Variants in PITPNM2 observed in about 807,000 individuals in gnomAD.
PITPNM2 encodes the protein phosphatidylinositol transfer protein membrane associated 2.
PITPNM2 carries 35 observed loss-of-function variants against 132.2 expected under a neutral mutation model. The observed-to-expected ratio is 0.26, with a 90% CI of 0.20 to 0.35. The LOEUF (loss-of-function observed/expected upper bound fraction) is 0.35. Among genes scored for constraint, PITPNM2 ranks in the 10% least tolerant of loss-of-function variants. PITPNM2 has a pLI of 1.00. For synonymous variants in PITPNM2, 738 were observed against 799.2 expected (o/e 0.92, Z 1.29); for missense variants, 1,332 against 1,912.0 (o/e 0.70, Z 5.66).
intron 2 of PITPNM2, among the ~76,000 whole-genome samples, chr12:123,048,602 C>T (rs936458836): frequency 1.3e-5 from 2 of 150,602 alleles, no homozygotes; most frequent in African/African-American, 2.4e-5. Context: ...TTAGTAGAGA[C>T]GGGGTTTCAC....
rs1321160567 is a variant in PITPNM2 at position 122,994,939 on chromosome 12, G to C, written c.2095C>G (p.His699Asp). The change falls in exon 15 of 26, where the codon CAT (histidine) becomes GAT (aspartate). Residue 699 changes from histidine to aspartate, a missense_variant. This residue lies in a region of PITPNM2 where 710 missense variants were observed against 911.5 expected (regional missense o/e 0.78). Coordinates refer to ENST00000320201, the MANE Select transcript of PITPNM2 (RefSeq NM_020845.3). This position sits in a 1 kb window ranked among gnomAD's most constrained non-coding sequence, Gnocchi z 5.4. ...SVLRTEPCSR[H>D]SSSSTMLDGT... ...TCCAGCATGGTGGAGCTGCTGGAAT[G>C]GCGTGAGCAGGGCTCAGTCCTCAGC... The C allele has an allele frequency of 1.2e-6, 2 of 1,610,980 alleles. No individual in the cohort carries two copies. Among genetic ancestry groups the C allele is most frequent in the Non-Finnish European group, 1.7e-6 (2 of 1,179,638 alleles).
Position 123,004,753 on chromosome 12 carries a change from C to T in PITPNM2, c.953-264G>A, listed in dbSNP as rs1293763124. 1.5e-5 allele frequency: 9 copies of T among 595,542 alleles called. No homozygotes were observed. Among genetic ancestry groups the T allele is most frequent in the Admixed American group, 5.8e-5 (2 of 34,468 alleles). 36.9% of individuals were successfully genotyped at this position (595,542 alleles called of 1,614,324 possible). ...GAGCATGACAGACATAAGCCCAGGA[C>T]GTGGGGTAAGACAGGCCTGGGTCCA... On this transcript the variant is annotated intron_variant, in intron 7 of 25. Transcript: ENST00000320201. The surrounding 1 kb of genome is among the most constrained non-coding windows in gnomAD (Gnocchi z 4.9).
chr12:123,091,069 C>G (rs192823260), intron 2 of PITPNM2: 10 of 152,352 alleles, frequency 6.6e-5, no homozygotes, highest in African/African-American at 2.4e-4. Flanking sequence ...GATTCAGCCA[C>G]TCACACGGTT....
At chr12:123,046,996 A>C (rs2040683995) in intron 2 of PITPNM2, among the ~76,000 whole-genome samples, 1 of 152,220 alleles carries the variant, frequency 6.6e-6, no homozygotes. Context: ...CCTAGCATTG[A>C]TAATAGCATT....
In PITPNM2 at chr12:123,097,645, C is replaced by T. The variant is rs2042445579; in HGVS notation, c.-96+12740G>A. Among the ~76,000 whole-genome samples, 1 of 152,236 alleles carries T rather than the reference C, an allele frequency of 6.6e-6. No individual in the cohort carries two copies. The highest frequency in any genetic ancestry group is 1.5e-5 in the Non-Finnish European group (1 of 68,038). On this transcript the variant is annotated intron_variant, in intron 2 of 25. Transcript: ENST00000320201. The surrounding 1 kb of genome is among the most constrained non-coding windows in gnomAD (Gnocchi z 4.7). ...ACGCTCTCCAGTGCAGCCTGCCTCACTTGCCTGCCTGCCTGCCTTCCTTGC... is the reference window on the plus strand; with the variant it reads ...ACGCTCTCCAGTGCAGCCTGCCTCATTTGCCTGCCTGCCTGCCTTCCTTGC...
chr12:123,148,277 G>T (rs533062289), intron 1 of PITPNM2, among the ~76,000 whole-genome samples: 2 of 152,348 alleles, frequency 1.3e-5, no homozygotes, highest in Admixed American at 1.3e-4. Flanking sequence ...TCTCATCTAA[G>T]CGAAGTTGAG....
chr12:123,144,352 G>C (rs1004648018), intron 1 of PITPNM2, among the ~76,000 whole-genome samples: 4 of 152,218 alleles, frequency 2.6e-5, no homozygotes, highest in African/African-American at 9.6e-5. Flanking sequence ...TGTTAGAGAA[G>C]CTTCATTCAG....
chr12:123,118,945 C>T (rs1165835890), intron 1 of PITPNM2, among the ~76,000 whole-genome samples: 5 of 152,222 alleles, frequency 3.3e-5, no homozygotes, highest in Non-Finnish European at 7.3e-5. Context: ...GGAGGCCAGG[C>T]TGCAGGGACG....
chr12:123,142,195 G>C (rs1593036751), intron 1 of PITPNM2, among the ~76,000 whole-genome samples: 1 of 152,290 alleles, frequency 6.6e-6, no homozygotes, highest in Non-Finnish European at 1.5e-5. Context: ...CACAGTACAG[G>C]ACAGGAGCTC....
chr12:123,151,565 C>T (rs572705782), upstream of PITPNM2, among the ~76,000 whole-genome samples: 27 of 152,248 alleles, frequency 1.8e-4, no homozygotes, highest in African/African-American at 6.3e-4. Flanking sequence ...TGGGTCCGCG[C>T]TCTCCCCTCA....
chr12:123,002,538 G>A (rs938072709), intron 8 of PITPNM2, among the ~76,000 whole-genome samples: 10 of 151,642 alleles, frequency 6.6e-5, no homozygotes, highest in African/African-American at 1.9e-4. Context: ...TCAGCCTCCC[G>A]AGTAGCTGGA....
At position 123,004,757 on chromosome 12, in the gene PITPNM2, G is replaced by C. The variant is rs1050829346; in HGVS notation, c.953-268C>G. On this transcript the variant is annotated intron_variant, in intron 7 of 25. Transcript: ENST00000320201. This position sits in a 1 kb window ranked among gnomAD's most constrained non-coding sequence, Gnocchi z 4.9. The stretch of plus-strand genomic sequence containing the variant: ...ATGACAGACATAAGCCCAGGACGTG[G>C]GGTAAGACAGGCCTGGGTCCACTCC... Among the ~76,000 whole-genome samples, 8 of 152,232 alleles carry C rather than the reference G, an allele frequency of 5.3e-5. No individual in the cohort carries two copies. Among genetic ancestry groups the C allele is most frequent in the African/African-American group, 1.2e-4 (5 of 41,466 alleles).
intron 5 of PITPNM2, among the ~76,000 whole-genome samples, chr12:123,011,432 T>C (rs1458768090): frequency 6.6e-6 from 1 of 152,220 alleles, no homozygotes; most frequent in Non-Finnish European, 1.5e-5. Context: ...CCATGGCAGC[T>C]GGCCTCAGAG....
rs1172501245 is a variant in PITPNM2 at position 123,111,033 on chromosome 12, AC to A, written c.-199-546del. ...CAGCTGGGCAGAGTGTGATCTGACT[AC>A]CCAGAGGCCAGAGACAAGCATTCAA... On this transcript the variant is annotated intron_variant, in intron 1 of 25. Transcript: ENST00000320201. This position sits in a 1 kb window ranked among gnomAD's most constrained non-coding sequence, Gnocchi z 4.1. Among the ~76,000 whole-genome samples the A allele has an allele frequency of 3.9e-5, 6 of 152,236 alleles. No homozygotes were observed. The highest frequency in any genetic ancestry group is 7.4e-5 in the Non-Finnish European group (5 of 68,012).
In PITPNM2 at chr12:123,077,333, T is replaced by G. The variant is rs1035577242; in HGVS notation, c.-96+33052A>C. Among the ~76,000 whole-genome samples the G allele has an allele frequency of 7.2e-5, 11 of 152,170 alleles. No homozygotes were observed. The highest frequency in any genetic ancestry group is 1.0e-4 in the Non-Finnish European group (7 of 68,030). On this transcript the variant is annotated intron_variant, in intron 2 of 25. Transcript: ENST00000320201. The surrounding 1 kb of genome is among the most constrained non-coding windows in gnomAD (Gnocchi z 4.8). ...GGAGAGGGACAAAACATTTCCTCAC[T>G]GAACTCTCATTTTCAGATAATGAAG... is the stretch of plus-strand genomic sequence containing the variant.
chr12:123,105,769 G>A (rs140189592), intron 2 of PITPNM2, among the ~76,000 whole-genome samples: 81 of 152,332 alleles, frequency 5.3e-4, no homozygotes, highest in African/African-American at 1.9e-3. Context: ...TACTGGAAAT[G>A]AACCGAAGAC....
At chr12:123,060,803 C>T (rs946092510) in intron 2 of PITPNM2, among the ~76,000 whole-genome samples, 1 of 152,114 alleles carries the variant, frequency 6.6e-6, no homozygotes, top group Non-Finnish European at 1.5e-5. Context: ...GGCAGCAGTC[C>T]TTAAGGGTGC....
intron 2 of PITPNM2, among the ~76,000 whole-genome samples, chr12:123,072,184 C>T (rs1057012623): frequency 7.9e-5 from 12 of 152,208 alleles, no homozygotes; most frequent in Admixed American, 6.5e-4. Context: ...GTGCTGGGCA[C>T]ACACCATCCA....
chr12:123,068,119 G>C (rs568720066), intron 2 of PITPNM2, among the ~76,000 whole-genome samples: 1 of 152,146 alleles, frequency 6.6e-6, no homozygotes, highest in Non-Finnish European at 1.5e-5. Context: ...CATGGTACCT[G>C]AACAGCTTTT....
Sources: allele counts gnomAD v4.1 joint callset (sites outside exome capture counted in the v4.1 genomes callset), GRCh38; gene constraint gnomAD v4.1.1; regional missense constraint gnomAD v4.1.1; non-coding constraint Gnocchi (gnomAD v3.1); transcripts MANE v1.5; gene names NCBI Gene and HGNC (gene_info 2026-07-23, HGNC 2026-07-21).